Variants in MKRN1 observed in about 807,000 individuals in gnomAD.
The protein encoded by MKRN1 is makorin ring finger protein 1, also known as E3 ubiquitin-protein ligase makorin-1.
MKRN1 carries 9 observed loss-of-function variants against 55.5 expected under a neutral mutation model. The ratio of observed to expected loss-of-function variants is 0.16; its 90% confidence interval spans 0.10 to 0.28. The LOEUF (loss-of-function observed/expected upper bound fraction) is 0.28. Ranked by LOEUF, MKRN1 falls within the 10% of genes least tolerant of loss-of-function variation. The pLI is 1.00. For missense variants in MKRN1, 488 were observed against 626.7 expected, an observed-to-expected ratio of 0.78 and a Z score of 2.36; for synonymous variants, 253 against 235.9, an observed-to-expected ratio of 1.07 and a Z score of -0.66.
intron 1 of MKRN1, 153 bp downstream of exon 1, chr7:140,479,007 C>G (rs1044877386): frequency 1.0e-6 from 1 of 958,246 alleles, no homozygotes; most frequent in Non-Finnish European, 1.3e-6. Context: ...GCGGCGGCAG[C>G]GGGGGCCGCG....
Position 140,456,796 on chromosome 7 carries a change from C to T in MKRN1, c.842G>A (p.Cys281Tyr). 6.2e-7 allele frequency: 1 copy of T among 1,614,034 alleles called. No homozygotes were observed. ...FAVQRSKDMV[C>Y]GICMEVVYEK... ...ATAGACCACCTCCATGCAGATCCCACACACCATGTCCTTGCTGCGCTGCAC... is the reference window on the plus strand; with the variant it reads ...ATAGACCACCTCCATGCAGATCCCATACACCATGTCCTTGCTGCGCTGCAC... The change falls in exon 5 of 8, where the codon TGT (cysteine) becomes TAT (tyrosine). Residue 281 changes from cysteine (C) to tyrosine (Y), a missense_variant. Cys to Tyr is a radical substitution (Grantham distance 194). Transcript: ENST00000255977.
In MKRN1 at chr7:140,474,707, G is replaced by A. The variant is rs78890773; in HGVS notation, c.186-2696C>T. ...AGCACTCAGATAAAGAATTTCTGAA[G>A]GATTTCCTTCTTTCTTTTTTTTTTT... is the stretch of plus-strand genomic sequence containing the variant. On this transcript the variant is annotated intron_variant, in intron 1 of 7. Transcript: ENST00000255977. Among the ~76,000 whole-genome samples, 1,387 of 149,004 alleles carry A rather than the reference G, an allele frequency of 9.3e-3. 20 individuals are homozygous for A. The highest frequency in any genetic ancestry group is 0.032 in the African/African-American group (1,264 of 39,036).
At chr7:140,474,063 A>G (rs1326067064) in intron 1 of MKRN1, among the ~76,000 whole-genome samples, 3 of 144,222 alleles carry the variant, frequency 2.1e-5, no homozygotes, top group African/African-American at 7.8e-5. Context: ...GAAAGAAAGA[A>G]AGAATAAAAG....
chr7:140,469,676 G>A (rs1794866428), intron 2 of MKRN1, among the ~76,000 whole-genome samples: 1 of 152,220 alleles, frequency 6.6e-6, no homozygotes. Flanking sequence ...GCTTTGGGAG[G>A]CAAAGGCAGG....
chr7:140,472,820 A>G (rs1794973471), intron 1 of MKRN1, among the ~76,000 whole-genome samples: 1 of 151,898 alleles, frequency 6.6e-6, no homozygotes, highest in South Asian at 2.1e-4. Flanking sequence ...CTTACATAAC[A>G]AAAAGAAAAA....
intron 3 of MKRN1, 76 bp downstream of exon 3, chr7:140,459,631 A>G: frequency 7.2e-7 from 1 of 1,386,844 alleles, no homozygotes; most frequent in Non-Finnish European, 1.0e-6. Flanking sequence ...AGAAAGGGGA[A>G]AGTTGTCAAA....
intron 3 of MKRN1, among the ~76,000 whole-genome samples, 164 bp from the exon 4 acceptor site, chr7:140,459,397 CTGT>C (rs1240019965): frequency 6.7e-6 from 1 of 150,050 alleles, no homozygotes; most frequent in Non-Finnish European, 1.5e-5. Context: ...TTTTCTACCG[CTGT>C]TATTTCCAAG....
intron 5 of MKRN1, chr7:140,456,350 C>T: frequency 1.6e-6 from 2 of 1,249,260 alleles, no homozygotes; most frequent in Non-Finnish European, 2.0e-6. Context: ...AACATACATT[C>T]AGAGCTAGAT....
At chr7:140,467,749 T>C (rs1794813543) in intron 2 of MKRN1, among the ~76,000 whole-genome samples, 2 of 151,798 alleles carry the variant, frequency 1.3e-5, no homozygotes, top group African/African-American at 4.8e-5. Context: ...ACGCCTGTAA[T>C]CCCAGCACTC....
At chr7:140,456,113 CTT>C (rs57991505) in intron 5 of MKRN1, 5,250 of 828,150 alleles carry the variant, frequency 6.3e-3, no homozygotes, top group East Asian at 0.012. Context: ...CTAGCCAGTT[CTT>C]TTTTTTTTTT....
chr7:140,455,643 T>C (rs1794447236), intron 6 of MKRN1, 147 bp downstream of exon 6: 1 of 647,866 alleles, frequency 1.5e-6, no homozygotes, highest in East Asian at 2.7e-5. Context: ...ATATACTGGA[T>C]GTTATCAGGG....
chr7:140,472,981 G>A (rs1418681785), intron 1 of MKRN1, among the ~76,000 whole-genome samples: 1 of 151,502 alleles, frequency 6.6e-6, no homozygotes, highest in African/African-American at 2.4e-5. Context: ...GCCGGGCATG[G>A]TGGCAGGCAC....
chr7:140,470,457 C>T (rs1404256937), intron 2 of MKRN1, among the ~76,000 whole-genome samples: 13 of 148,824 alleles, frequency 8.7e-5, no homozygotes, highest in African/African-American at 3.2e-4. Context: ...TGGTGGCGGG[C>T]GCCTGTAATC....
chr7:140,471,120 T>C (rs917944273), intron 2 of MKRN1, among the ~76,000 whole-genome samples: 1 of 152,150 alleles, frequency 6.6e-6, no homozygotes, highest in Admixed American at 6.6e-5. Flanking sequence ...CTGGGGCTCA[T>C]GCTTGTAATC....
At chr7:140,472,440 A>T (rs75808767) in intron 1 of MKRN1, 13 of 158,408 alleles carry the variant, frequency 8.2e-5, no homozygotes, top group Non-Finnish European at 1.4e-4. Context: ...TTCAAAAAAA[A>T]AAAATAAAAA....
intron 1 of MKRN1, among the ~76,000 whole-genome samples, chr7:140,476,471 C>CAAAAAAAAAAAAAAAAAAAAAAAA (rs59392050): frequency 1.4e-5 from 1 of 72,570 alleles, no homozygotes; most frequent in African/African-American, 6.1e-5. Context: ...CACTCCATCT[C>CAAAAAAAAAAAAAAAAAAAAAAAA]AAAAAAAAAA....
rs141902077 is a variant in MKRN1, at chr7:140,459,811, C to T, written c.440G>A (p.Gly147Asp). The change falls in exon 3 of 8, where the codon GGC becomes GAC. Residue 147 changes from glycine (G) to aspartate (D), a missense_variant. By Grantham distance (94) the Gly-to-Asp change is moderately conservative. Around this residue, in one of 2 missense-constraint regions of MKRN1, gnomAD observed 210 missense variants for 220.0 expected, o/e 0.95. Transcript: ENST00000255977. ...GTTTGAATTTCTTGACTCAGCTTCG[C>T]CTGTATTCATTTCAACAAGTGGTCC... Reference protein sequence around the residue: ...IVGPLVEMNTGEAESRNSNFA... With the variant: ...IVGPLVEMNTDEAESRNSNFA... 295 of 1,613,940 alleles carry T rather than the reference C, an allele frequency of 1.8e-4. No individual in the cohort carries two copies. Among genetic ancestry groups the T allele is most frequent in the Non-Finnish European group, 1.9e-4 (222 of 1,179,860 alleles).
chr7:140,479,235 G>A lies in MKRN1; in HGVS notation c.110C>T (p.Pro37Leu), dbSNP rs1169319017. The A allele has an allele frequency of 2.8e-6, 4 of 1,447,376 alleles. No homozygotes were observed. The highest frequency in any genetic ancestry group is 3.6e-6 in the Non-Finnish European group (4 of 1,101,534). 89.7% of individuals were successfully genotyped at this position (1,447,376 alleles called of 1,614,324 possible). Residue 37 changes from proline to leucine, a missense_variant, in exon 1 of 8, where the codon CCG becomes CTG. Physicochemically the swap from Pro to Leu is moderately conservative, Grantham distance 98 (BLOSUM62 -3). Around this residue, in one of 2 missense-constraint regions of MKRN1, gnomAD observed 210 missense variants for 220.0 expected, o/e 0.95. Coordinates refer to ENST00000255977, the MANE Select transcript of MKRN1 (RefSeq NM_013446.4). Reference sequence around the variant, plus strand: ...GCCCCCTCCGCCCGCCCCCAGGGACGGGGCGGTGACTGTGGGGATCGGGGT... The same window carrying A: ...GCCCCCTCCGCCCGCCCCCAGGGACAGGGCGGTGACTGTGGGGATCGGGGT... The part of the protein sequence containing the change: ...SPTPIPTVTA[P>L]SLGAGGGGGG...
chr7:140,456,846 C>T lies in MKRN1; in HGVS notation c.792G>A (p.Glu264=). ...QHIKSCIEAH[E]KDMELSFAVQ... is the part of the protein sequence containing the mutation. ...CGGCAAATGAGAGCTCCATGTCCTT[C>T]TCATGGGCCTCAATGCACGACTAGA... Residue 264 remains glutamate (E), a synonymous_variant, in exon 5 of 8, where the codon GAG becomes GAA. Transcript: ENST00000255977. 1.9e-6 allele frequency: 3 copies of T among 1,613,856 alleles called. No homozygotes were observed. The highest frequency in any genetic ancestry group is 2.5e-6 in the Non-Finnish European group (3 of 1,179,860).
Sources: gnomAD v4.1 joint callset for allele counts (sites outside exome capture counted in the v4.1 genomes callset) on GRCh38, gnomAD v4.1.1 for gene constraint, gnomAD v4.1.1 regional missense constraint, MANE v1.5 for transcripts, NCBI Gene and HGNC (gene_info 2026-07-23, HGNC 2026-07-21) for gene names.